The following ATP11A variants were observed in gnomAD, a reference collection of about 807,000 sequenced individuals.
The protein encoded by ATP11A is phospholipid-transporting ATPase IH.
Under a neutral mutation model 154.4 loss-of-function variants are expected in ATP11A, and 81 were observed. That is an observed-to-expected ratio of 0.52 (90% CI 0.44 to 0.63). The LOEUF (loss-of-function observed/expected upper bound fraction) is 0.63, where lower values mean the gene tolerates loss of function less well. ATP11A is among the 30% of genes least tolerant of loss of function. ATP11A has a pLI of 0.00. For missense variants in ATP11A, 1,316 were observed against 1,474.3 expected, an observed-to-expected ratio of 0.89 and a Z score of 1.76; for synonymous variants, 623 against 585.9, an observed-to-expected ratio of 1.06 and a Z score of -0.91.
chr13:112,750,009 G>A (rs906608539), intron 1 of ATP11A, among the ~76,000 whole-genome samples: 1 of 114,832 alleles, frequency 8.7e-6, no homozygotes, highest in African/African-American at 4.3e-5. Flanking sequence ...TCAGCCTCTC[G>A]TGAATTTCTG....
chr13:112,697,727 GTTTTTTTTTTT>G lies in ATP11A; in HGVS notation c.39+7288_39+7298del, dbSNP rs531749066. 2.1e-3 allele frequency among the ~76,000 whole-genome samples: 266 copies of G among 126,608 alleles called. 2 individuals carry two copies. The highest frequency in any genetic ancestry group is 6.8e-3 in the African/African-American group (210 of 30,968). 83.1% of individuals were successfully genotyped at this position (126,608 alleles called of 152,430 possible). A position where few individuals can be genotyped will look rare whatever the true frequency, so the allele number is the denominator to read the frequency against. On this transcript the variant is annotated intron_variant, in intron 1 of 29. Coordinates refer to ENST00000375645, the MANE Select transcript of ATP11A (RefSeq NM_015205.3). This position sits in a 1 kb window ranked among gnomAD's most constrained non-coding sequence, Gnocchi z 4.0. Reference sequence around the variant, plus strand: ...GGATTTGTGCCACGACGCCCGGCCAGTTTTTTTTTTTTTTTTTTTTTTTTTTAGTAGAGATG... The same window carrying G: ...GGATTTGTGCCACGACGCCCGGCCAGTTTTTTTTTTTTTTTAGTAGAGATG...
chr13:112,848,677 AGCTGTAG>A (rs1322830118), intron 17 of ATP11A, among the ~76,000 whole-genome samples: 1 of 152,134 alleles, frequency 6.6e-6, no homozygotes, highest in Non-Finnish European at 1.5e-5. Context: ...GGGTGATGTT[AGCTGTAG>A]GTTTTTCTTT....
chr13:112,881,940 C>T lies in ATP11A; in HGVS notation c.*74C>T, dbSNP rs1214691035. On this transcript the variant is annotated 3_prime_UTR_variant, in exon 30 of 30. Coordinates refer to ENST00000375645, the MANE Select transcript of ATP11A (RefSeq NM_015205.3). ...TACAGCTCCCACTCTCAGCAGGTGA[C>T]ACTCGCGGCCTGGAAGGAGAAGGTG... is the stretch of plus-strand genomic sequence containing the variant. The T allele has an allele frequency of 7.3e-7, 1 of 1,367,818 alleles. No homozygotes were observed. Among genetic ancestry groups the T allele is most frequent in the Non-Finnish European group, 9.8e-7 (1 of 1,021,996 alleles). The allele number at this position is 1,367,818 out of a possible 1,614,324, so 84.7% of individuals were successfully genotyped here.
intron 25 of ATP11A, among the ~76,000 whole-genome samples, chr13:112,864,450 C>T (rs2080246156): frequency 1.0e-5 from 1 of 95,920 alleles, no homozygotes; most frequent in African/African-American, 3.7e-5. Flanking sequence ...TAATTCAGTG[C>T]AGCCCATGCA....
At chr13:112,730,289 T>G (rs932127308) in intron 1 of ATP11A, among the ~76,000 whole-genome samples, 22 of 152,168 alleles carry the variant, frequency 1.4e-4, no homozygotes, top group African/African-American at 5.3e-4. Context: ...TCTTTATTTG[T>G]GTGGATCTGT....
intron 25 of ATP11A, among the ~76,000 whole-genome samples, chr13:112,863,552 G>A (rs1305889073): frequency 1.6e-4 from 24 of 148,580 alleles, no homozygotes; most frequent in South Asian, 2.1e-4. Context: ...GCTTCCCAGC[G>A]GGATCCATCA....
chr13:112,827,290 C>T (rs1014589086), intron 12 of ATP11A, among the ~76,000 whole-genome samples: 1 of 152,242 alleles, frequency 6.6e-6, no homozygotes, highest in Non-Finnish European at 1.5e-5. Flanking sequence ...TGGTGGATTG[C>T]AAAGAGTTCA....
At chr13:112,844,747 T>C (rs923230223) in intron 17 of ATP11A, among the ~76,000 whole-genome samples, 5 of 95,428 alleles carry the variant, frequency 5.2e-5, no homozygotes, top group Admixed American at 5.2e-4. Context: ...CTAGCGGTAC[T>C]AGTCCAAGTG....
intron 1 of ATP11A, among the ~76,000 whole-genome samples, chr13:112,784,394 C>G (rs937444308): frequency 8.5e-5 from 13 of 152,164 alleles, no homozygotes; most frequent in Non-Finnish European, 1.3e-4. Context: ...GTGTCCAAGC[C>G]CCACCTCTGG....
chr13:112,740,416 C>G (rs958547243), intron 1 of ATP11A, among the ~76,000 whole-genome samples: 22 of 152,110 alleles, frequency 1.4e-4, no homozygotes, highest in Non-Finnish European at 2.5e-4. Context: ...TCAGGTGATC[C>G]ACCCACCTCA....
At chr13:112,790,349 C>T (rs1358152624) in intron 2 of ATP11A, among the ~76,000 whole-genome samples, 3 of 150,706 alleles carry the variant, frequency 2.0e-5, no homozygotes, top group African/African-American at 7.3e-5. Context: ...TAATTCACAC[C>T]GGGTGTCCTG....
intron 1 of ATP11A, among the ~76,000 whole-genome samples, chr13:112,727,548 CAA>C (rs36035585): frequency 7.0e-6 from 1 of 143,246 alleles, no homozygotes; most frequent in Non-Finnish European, 1.5e-5. Context: ...AGTCTCTTTC[CAA>C]AAAAAAAAAA....
intron 1 of ATP11A, among the ~76,000 whole-genome samples, chr13:112,758,041 C>T (rs890721778): frequency 3.9e-5 from 6 of 152,220 alleles, no homozygotes; most frequent in African/African-American, 1.4e-4. Flanking sequence ...CAAGTCTCAA[C>T]CTTTGTTTTT....
In ATP11A at chr13:112,808,530, G is replaced by A. The variant is rs538070557; in HGVS notation, c.334-2089G>A. ...TCCTTGTCCCTCTTCCTTGGGAACA[G>A]CGCCTCTGTCCGCAGCTGGGACTTT... On this transcript the variant is annotated intron_variant, in intron 4 of 29. Transcript: ENST00000375645. Among the ~76,000 whole-genome samples the A allele has an allele frequency of 4.0e-3, 553 of 137,820 alleles. 1 individual carries two copies. Among genetic ancestry groups the A allele is most frequent in the Non-Finnish European group, 6.2e-3 (410 of 66,434 alleles). The allele number at this position is 137,820 out of a possible 152,430, so 90.4% of individuals were successfully genotyped here. A position where few individuals can be genotyped will look rare whatever the true frequency, so the allele number is the denominator to read the frequency against.
chr13:112,723,870 G>A (rs1043967010), intron 1 of ATP11A, among the ~76,000 whole-genome samples: 6 of 152,120 alleles, frequency 3.9e-5, no homozygotes, highest in Admixed American at 1.3e-4. Context: ...CCTCTGTCTC[G>A]CCCGAAACCC....
chr13:112,710,468 C>A (rs1887609270), intron 1 of ATP11A, among the ~76,000 whole-genome samples: 1 of 152,184 alleles, frequency 6.6e-6, no homozygotes, highest in African/African-American at 2.4e-5. Flanking sequence ...GTACCACTGC[C>A]CTGGAAGAGT....
At chr13:112,734,893 C>T (rs966345949) in intron 1 of ATP11A, among the ~76,000 whole-genome samples, 1 of 152,124 alleles carries the variant, frequency 6.6e-6, no homozygotes, top group South Asian at 2.1e-4. Flanking sequence ...GCCTTGTCAG[C>T]GGTAGGACCA....
Position 112,692,614 on chromosome 13 carries a change from ATATACAT to A in ATP11A, c.39+2163_39+2169del, listed in dbSNP as rs139878599. On this transcript the variant is annotated intron_variant, in intron 1 of 29. Coordinates refer to ENST00000375645, the MANE Select transcript of ATP11A (RefSeq NM_015205.3). ...ATATTCTTTAGTGAACTTTTCCAGC[ATATACAT>A]TATTGGATAACGTCTCGGGAATACG... 6.4e-4 allele frequency among the ~76,000 whole-genome samples: 98 copies of A among 152,362 alleles called. No individual in the cohort carries two copies. The East Asian group carries it at 0.019, about 29-fold the overall frequency.
chr13:112,802,429 C>G (rs540174431), intron 2 of ATP11A, among the ~76,000 whole-genome samples: 28 of 151,922 alleles, frequency 1.8e-4, no homozygotes, highest in Non-Finnish European at 3.5e-4. Context: ...GTAAATCCAC[C>G]CAGATAGTCA....
Sources: allele counts gnomAD v4.1 joint callset (sites outside exome capture counted in the v4.1 genomes callset), GRCh38; gene constraint gnomAD v4.1.1; non-coding constraint Gnocchi (gnomAD v3.1); transcripts MANE v1.5; gene names NCBI Gene and HGNC (gene_info 2026-07-23, HGNC 2026-07-21).